Variants in ZFAND6 observed in about 807,000 individuals in gnomAD.
The protein encoded by ZFAND6 is AN1-type zinc finger protein 6.
Under a neutral mutation model 24.5 loss-of-function variants are expected in ZFAND6, and 12 were observed. The observed-to-expected ratio is 0.49, with a 90% CI of 0.31 to 0.79. The LOEUF (loss-of-function observed/expected upper bound fraction) is 0.79. Among genes scored for constraint, ZFAND6 ranks in the 30% least tolerant of loss-of-function variants. ZFAND6 has a pLI of 0.04. For synonymous variants in ZFAND6, 92 were observed against 81.5 expected, an observed-to-expected ratio of 1.13 and a Z score of -0.69; for missense variants, 207 against 245.9, an observed-to-expected ratio of 0.84 and a Z score of 1.06.
chr15:80,136,275 G>C (rs1270591311), intron 6 of ZFAND6, among the ~76,000 whole-genome samples: 3 of 152,118 alleles, frequency 2.0e-5, no homozygotes, highest in African/African-American at 7.2e-5. Flanking sequence ...GACCATCCTG[G>C]CCAACATGGT....
At chr15:80,102,257 G>A (rs2039076423) in intron 2 of ZFAND6, among the ~76,000 whole-genome samples, 1 of 151,934 alleles carries the variant, frequency 6.6e-6, no homozygotes, top group South Asian at 2.1e-4. Flanking sequence ...TTACAGACGT[G>A]TGCCACCACA....
intron 5 of ZFAND6, among the ~76,000 whole-genome samples, chr15:80,126,782 A>C (rs1027810943): frequency 1.1e-4 from 17 of 152,220 alleles, no homozygotes; most frequent in Admixed American, 5.9e-4. Context: ...ATTATAGATA[A>C]ATTGAGCTAC....
chr15:80,104,545 A>C (rs577115921), intron 2 of ZFAND6, among the ~76,000 whole-genome samples: 1 of 152,084 alleles, frequency 6.6e-6, no homozygotes, highest in African/African-American at 2.4e-5. Context: ...CAATCCATCC[A>C]TCCATCCATC....
chr15:80,072,174 ATG>A lies in ZFAND6; in HGVS notation c.-181+12368_-181+12369del, dbSNP rs149162751. On this transcript the variant is annotated intron_variant, in intron 1 of 6. Transcript: ENST00000261749. ...TGCCGTTTTACAATTTTCAGGTAAA[ATG>A]TGAACTCTATTAAAAATAATCTGTC... Among the ~76,000 whole-genome samples, 721 of 152,236 alleles carry A rather than the reference ATG, an allele frequency of 4.7e-3. 6 individuals carry two copies. Among genetic ancestry groups the A allele is most frequent in the African/African-American group, 0.016 (669 of 41,566 alleles).
chr15:80,115,685 C>CTT (rs1295364640), intron 2 of ZFAND6, among the ~76,000 whole-genome samples: 1 of 151,914 alleles, frequency 6.6e-6, no homozygotes, highest in African/African-American at 2.4e-5. Flanking sequence ...ATAAATAAGA[C>CTT]TGATTCTTTT....
At chr15:80,074,265 A>G (rs1167243641) in intron 1 of ZFAND6, among the ~76,000 whole-genome samples, 1 of 151,874 alleles carries the variant, frequency 6.6e-6, no homozygotes, top group African/African-American at 2.4e-5. Context: ...TACCCACTTA[A>G]CTGAGCAATT....
At chr15:80,109,169 T>C (rs1368361005) in intron 2 of ZFAND6, among the ~76,000 whole-genome samples, 1 of 152,198 alleles carries the variant, frequency 6.6e-6, no homozygotes, top group African/African-American at 2.4e-5. Flanking sequence ...CCTTGGCTAC[T>C]AGTGGTGGTG....
chr15:80,059,503 T>C (rs1364948389), upstream of ZFAND6: 1 of 152,206 alleles, frequency 6.6e-6, no homozygotes, highest in Admixed American at 6.5e-5. Context: ...CCAATTGCCG[T>C]GCGCTCCGAG....
At position 80,137,701 on chromosome 15, in the gene ZFAND6, C is replaced by G. The variant is rs2040925857; in HGVS notation, c.*73C>G. ...GACTTGAGGTTTTTTTTTTCCTAGT[C>G]ATTGGGAATGTAGAGCAGTGTATCT... On this transcript the variant is annotated 3_prime_UTR_variant, in exon 7 of 7. Transcript: ENST00000261749. The G allele has an allele frequency of 2.1e-6, 3 of 1,450,872 alleles. No individual in the cohort carries two copies. Among genetic ancestry groups the G allele is most frequent in the Non-Finnish European group, 2.7e-6 (3 of 1,095,814 alleles). 89.9% of individuals were successfully genotyped at this position (1,450,872 alleles called of 1,614,324 possible). A position where few individuals can be genotyped will look rare whatever the true frequency, so the allele number is the denominator to read the frequency against.
chr15:80,073,911 C>T (rs1228791140), intron 1 of ZFAND6, among the ~76,000 whole-genome samples: 2 of 151,856 alleles, frequency 1.3e-5, no homozygotes, highest in African/African-American at 4.8e-5. Context: ...GCGTTGAACA[C>T]ACCTGTGTGT....
chr15:80,078,756 G>C (rs2037442342), intron 1 of ZFAND6, among the ~76,000 whole-genome samples: 1 of 151,978 alleles, frequency 6.6e-6, no homozygotes, highest in African/African-American at 2.4e-5. Context: ...TAGCCATTCT[G>C]ACTGGCTTGA....
At chr15:80,126,343 A>G (rs1567096293) in intron 5 of ZFAND6, among the ~76,000 whole-genome samples, 4 of 152,238 alleles carry the variant, frequency 2.6e-5, no homozygotes, top group Admixed American at 2.0e-4. Context: ...AGGTATCTTG[A>G]AAAATAACAA....
chr15:80,099,806 G>A (rs2038939093), intron 2 of ZFAND6, among the ~76,000 whole-genome samples: 2 of 152,104 alleles, frequency 1.3e-5, no homozygotes, highest in African/African-American at 2.4e-5. Context: ...ACAAAGAGGT[G>A]GGGTTTCACC....
intron 5 of ZFAND6, among the ~76,000 whole-genome samples, chr15:80,129,304 A>G (rs1442348692): frequency 2.6e-5 from 4 of 152,266 alleles, no homozygotes; most frequent in African/African-American, 4.8e-5. Context: ...GTCTGGTTTC[A>G]GCATGTCTGA....
At position 80,121,831 on chromosome 15, in the gene ZFAND6, C is replaced by G. The variant is rs1522636; in HGVS notation, c.263+11C>G. The G allele has an allele frequency of 0.74, 1,178,317 of 1,603,056 alleles. 436,396 individuals carry two copies. Among genetic ancestry groups the G allele is most frequent in the Admixed American group, 0.84 (50,218 of 59,504 alleles). The stretch of plus-strand genomic sequence containing the variant: ...ATCTATGCAGCCCAGGTAAGATGTA[C>G]TCTCTGAATTCTAATGAGAATGCTA... On this transcript the variant is annotated intron_variant, in intron 4 of 6. Transcript: ENST00000261749.
chr15:80,060,758 C>A (rs2036287064), intron 1 of ZFAND6: 1 of 152,152 alleles, frequency 6.6e-6, no homozygotes, highest in African/African-American at 2.4e-5. Flanking sequence ...CCTGTCTTTA[C>A]TAAAAATACA....
At chr15:80,076,339 A>G (rs910637094) in intron 1 of ZFAND6, among the ~76,000 whole-genome samples, 8 of 151,982 alleles carry the variant, frequency 5.3e-5, no homozygotes, top group African/African-American at 1.7e-4. Flanking sequence ...GTTAGCCACA[A>G]TTAGCCTATA....
At chr15:80,090,453 A>G (rs1458134983) in intron 1 of ZFAND6, among the ~76,000 whole-genome samples, 1 of 152,184 alleles carries the variant, frequency 6.6e-6, no homozygotes, top group East Asian at 1.9e-4. Context: ...AGTTACTACT[A>G]CCTTTAAGGG....
chr15:80,059,830 G>GGCCCGGCTTGCCCGGCGCT (rs2036220798), intron 1 of ZFAND6, 21 bp downstream of exon 1: 1 of 151,568 alleles, frequency 6.6e-6, no homozygotes, highest in African/African-American at 2.4e-5. Flanking sequence ...CGGCCCGCGG[G>GGCCCGGCTTGCCCGGCGCT]GCCCGGCTTG....
Sources: allele counts gnomAD v4.1 joint callset (sites outside exome capture counted in the v4.1 genomes callset), GRCh38; gene constraint gnomAD v4.1.1; transcripts MANE v1.5; gene names NCBI Gene and HGNC (gene_info 2026-07-23, HGNC 2026-07-21).